ZNF438: variants seen among roughly 807,000 people sequenced by gnomAD.
ZNF438 encodes zinc finger protein 438.
Under a neutral mutation model 38.0 loss-of-function variants are expected in ZNF438, and 25 were observed. The observed-to-expected ratio is 0.66, with a 90% CI of 0.48 to 0.92. The LOEUF is 0.92. ZNF438 is among the 40% of genes least tolerant of loss of function. The pLI, the probability that ZNF438 is intolerant of heterozygous loss-of-function variation, is 0.00. For missense variants in ZNF438, 1,007 were observed against 999.6 expected (o/e 1.01, Z -0.10); for synonymous variants, 372 against 364.1 (o/e 1.02, Z -0.25).
chr10:30,881,932 T>C (rs2039314061), intron 3 of ZNF438, among the ~76,000 whole-genome samples: 1 of 152,186 alleles, frequency 6.6e-6, no homozygotes, highest in Non-Finnish European at 1.5e-5. Flanking sequence ...ATGCATCATA[T>C]ACCCAAATGT....
At chr10:30,923,722 T>C (rs967412068) in intron 2 of ZNF438, among the ~76,000 whole-genome samples, 2 of 152,236 alleles carry the variant, frequency 1.3e-5, no homozygotes, top group African/African-American at 4.8e-5. Context: ...TATGGTTTTA[T>C]ATTGTCATTA....
At chr10:30,863,983 C>T (rs143418921) in intron 4 of ZNF438, among the ~76,000 whole-genome samples, 1 of 152,270 alleles carries the variant, frequency 6.6e-6, no homozygotes, top group Non-Finnish European at 1.5e-5. Flanking sequence ...TCTTGGCGGC[C>T]CACATTCCTT....
chr10:30,952,270 A>C (rs2048304824), intron 1 of ZNF438, among the ~76,000 whole-genome samples: 1 of 148,738 alleles, frequency 6.7e-6, no homozygotes, highest in Admixed American at 6.7e-5. Flanking sequence ...TTAAAGACTT[A>C]AACGTTAGAC....
intron 2 of ZNF438, among the ~76,000 whole-genome samples, chr10:30,933,232 G>A (rs77558390): frequency 6.6e-6 from 1 of 152,152 alleles, no homozygotes; most frequent in Non-Finnish European, 1.5e-5. Flanking sequence ...AAAAACAACA[G>A]CCAGGGGTGT....
rs1277603278 is a variant in ZNF438 at position 30,941,671 on chromosome 10, A to G, written c.-191-20T>C. On this transcript the variant is annotated intron_variant, in intron 1 of 5. Coordinates refer to ENST00000413025, the Ensembl canonical transcript of ZNF438. ...TTTTATCTGAAAACAAATGTAGTGG[A>G]AATAACAAAATTATAAAGAATTTCT... The G allele has an allele frequency of 2.6e-5, 4 of 152,344 alleles. No homozygotes were observed. The highest frequency in any genetic ancestry group is 5.9e-5 in the Non-Finnish European group (4 of 68,028). The allele number at this position is 152,344 out of a possible 1,614,324, so 9.4% of individuals were successfully genotyped here. A position where few individuals can be genotyped will look rare whatever the true frequency, so the allele number is the denominator to read the frequency against.
At chr10:30,855,990 T>C (rs2034559743) in intron 4 of ZNF438, among the ~76,000 whole-genome samples, 2 of 152,248 alleles carry the variant, frequency 1.3e-5, no homozygotes, top group African/African-American at 4.8e-5. Flanking sequence ...TGCTTAGACA[T>C]ATTTGTTTAA....
At chr10:30,954,324 C>T (rs1332494372) in intron 1 of ZNF438, among the ~76,000 whole-genome samples, 2 of 152,124 alleles carry the variant, frequency 1.3e-5, no homozygotes, top group Non-Finnish European at 1.5e-5. Flanking sequence ...AGGACTTGAT[C>T]TTTTCAAAAC....
intron 1 of ZNF438, among the ~76,000 whole-genome samples, chr10:30,982,804 T>C (rs539143375): frequency 6.6e-6 from 1 of 152,346 alleles, no homozygotes; most frequent in African/African-American, 2.4e-5. Context: ...TTTATAGAAA[T>C]TTAAAATAGT....
rs911240791 is a variant in ZNF438 at position 30,922,785 on chromosome 10, A to G, written c.-114-13770T>C. Among the ~76,000 whole-genome samples the G allele has an allele frequency of 2.6e-5, 4 of 152,202 alleles. No individual in the cohort carries two copies. In the East Asian group the frequency reaches 5.8e-4, roughly 22 times the overall value. On this transcript the variant is annotated intron_variant, in intron 2 of 5. Coordinates refer to ENST00000413025, the Ensembl canonical transcript of ZNF438. ...GAGAGGTGGAAGTTGCAGTGTGCCA[A>G]GATTGTGCCACTGCACTCCAGCCTG...
At chr10:30,909,778 G>C (rs2042906348) in intron 2 of ZNF438, among the ~76,000 whole-genome samples, 1 of 152,188 alleles carries the variant, frequency 6.6e-6, no homozygotes, top group South Asian at 2.1e-4. Flanking sequence ...AGGTGTTTTA[G>C]AAGCAGCTGT....
intron 1 of ZNF438, among the ~76,000 whole-genome samples, chr10:31,026,912 T>TA (rs1176032277): frequency 1.3e-5 from 2 of 151,966 alleles, no homozygotes; most frequent in African/African-American, 2.4e-5. Flanking sequence ...TATGCAGCCA[T>TA]AAAAAAAGGA....
At chr10:30,862,117 C>T (rs547231277) in intron 4 of ZNF438, among the ~76,000 whole-genome samples, 154 of 152,324 alleles carry the variant, frequency 1.0e-3, no homozygotes, top group African/African-American at 3.5e-3. Context: ...ATTTGACCTT[C>T]TATCACCATC....
At chr10:30,921,110 C>A (rs377477802) in intron 2 of ZNF438, 106 of 152,274 alleles carry the variant, frequency 7.0e-4, no homozygotes, top group African/African-American at 2.3e-3. Context: ...ACACCATGCC[C>A]AAGATTCTAT....
chr10:31,022,350 C>T (rs1284394189), intron 1 of ZNF438, among the ~76,000 whole-genome samples: 1 of 152,130 alleles, frequency 6.6e-6, no homozygotes, highest in African/African-American at 2.4e-5. Context: ...CAACCTCTGC[C>T]TCCGAGGTTC....
intron 4 of ZNF438, among the ~76,000 whole-genome samples, chr10:30,863,549 T>C (rs1182648900): frequency 1.3e-5 from 2 of 152,238 alleles, no homozygotes; most frequent in Non-Finnish European, 2.9e-5. Flanking sequence ...AATATGTTTA[T>C]TGTCTTTTAG....
intron 1 of ZNF438, among the ~76,000 whole-genome samples, chr10:30,949,777 G>C (rs1190950211): frequency 6.6e-6 from 1 of 151,416 alleles, no homozygotes; most frequent in Non-Finnish European, 1.5e-5. Context: ...AAGAGACTTA[G>C]ACTCCCACAC....
At chr10:31,021,054 CTTTTTTT>C (rs9331411) in intron 1 of ZNF438, among the ~76,000 whole-genome samples, 2 of 128,566 alleles carry the variant, frequency 1.6e-5, no homozygotes. Flanking sequence ...ACAACAGCAA[CTTTTTTT>C]TTTTTTTTTT....
In ZNF438 at chr10:30,864,440, A is replaced by G. The variant is rs113464371; in HGVS notation, c.37+12558T>C. Reference sequence around the variant, plus strand: ...TGTCTAAAAGGAGCTGCTCAGCTCCATGTGATCACTTGCTATTTTCTTTTT... The same window carrying G: ...TGTCTAAAAGGAGCTGCTCAGCTCCGTGTGATCACTTGCTATTTTCTTTTT... On this transcript the variant is annotated intron_variant, in intron 4 of 5. Transcript: ENST00000413025. Among the ~76,000 whole-genome samples the G allele has an allele frequency of 5.3e-3, 800 of 152,240 alleles. 9 individuals carry two copies. The highest frequency in any genetic ancestry group is 0.018 in the African/African-American group (756 of 41,540).
chr10:30,845,703 G>T, intron 5 of ZNF438, 130 bp from the exon 7 acceptor site: 1 of 1,114,950 alleles, frequency 9.0e-7, no homozygotes, highest in Non-Finnish European at 1.3e-6. Context: ...GGGGTAAACA[G>T]AGAGCACCTG....
Sources: gnomAD v4.1 joint callset for allele counts (sites outside exome capture counted in the v4.1 genomes callset) on GRCh38, gnomAD v4.1.1 for gene constraint, MANE v1.5 for transcripts, NCBI Gene and HGNC (gene_info 2026-07-23, HGNC 2026-07-21) for gene names.